Variants in GSPT1 observed in about 807,000 individuals in gnomAD.
GSPT1 encodes G1 to S phase transition 1, also known as eukaryotic peptide chain release factor GTP-binding subunit ERF3A.
A neutral mutation model predicts 72.5 loss-of-function variants in GSPT1; 20 were observed. The ratio of observed to expected loss-of-function variants is 0.28; its 90% confidence interval spans 0.19 to 0.40. The LOEUF (loss-of-function observed/expected upper bound fraction) is 0.40, where lower values mean the gene tolerates loss of function less well. Ranked by LOEUF, GSPT1 falls within the 10% of genes least tolerant of loss-of-function variation. The pLI is 1.00. For missense variants in GSPT1, 580 were observed against 811.9 expected (o/e 0.71, Z 3.47); for synonymous variants, 334 against 293.5 (o/e 1.14, Z -1.41).
At chr16:11,906,216 T>G (rs2054487530) in intron 1 of GSPT1, among the ~76,000 whole-genome samples, 1 of 152,138 alleles carries the variant, frequency 6.6e-6, no homozygotes, top group Non-Finnish European at 1.5e-5. Context: ...CACTTCCCTT[T>G]TCTGACCAGG....
intron 5 of GSPT1, 142 bp from the exon 6 acceptor site, chr16:11,891,281 A>AATAT (rs1319810221): frequency 3.8e-6 from 1 of 262,110 alleles, no homozygotes; most frequent in South Asian, 7.9e-5. Flanking sequence ...AAAAATATAA[A>AATAT]ATATATATAT....
Position 11,915,740 on chromosome 16 carries a change from G to C in GSPT1, c.-20C>G, listed in dbSNP as rs771571272. ...ATCCATGATCGGGGGGGCCGTGTGT[G>C]TGGTGGACAGAGAGCGGGAAATGGA... On this transcript the variant is annotated 5_prime_UTR_variant, in exon 1 of 15. Coordinates refer to ENST00000434724, the MANE Select transcript of GSPT1 (RefSeq NM_002094.4). 7.1e-6 allele frequency: 11 copies of C among 1,538,540 alleles called. No homozygotes were observed. The African/African-American group carries it at 1.2e-4, about 17-fold the overall frequency.
At chr16:11,898,702 G>A (rs1381658621) in intron 1 of GSPT1, among the ~76,000 whole-genome samples, 2 of 151,782 alleles carry the variant, frequency 1.3e-5, no homozygotes, top group African/African-American at 2.4e-5. Flanking sequence ...TGCCCACCTC[G>A]GCCTCCCAAA....
chr16:11,909,925 A>G (rs1015858337), intron 1 of GSPT1, among the ~76,000 whole-genome samples: 2 of 146,466 alleles, frequency 1.4e-5, no homozygotes, highest in African/African-American at 5.5e-5. Context: ...CTCCATCTCA[A>G]AAAACAAAAA....
intron 4 of GSPT1, 174 bp from the exon 5 acceptor site, chr16:11,895,161 T>G (rs2054318236): frequency 1.9e-6 from 1 of 528,644 alleles, no homozygotes; most frequent in East Asian, 3.3e-5. Flanking sequence ...CTGGGCTCGG[T>G]GGCTCACGCC....
At chr16:11,884,038 A>G (rs1482047502) in intron 10 of GSPT1, among the ~76,000 whole-genome samples, 1 of 152,250 alleles carries the variant, frequency 6.6e-6, no homozygotes, top group Non-Finnish European at 1.5e-5. Flanking sequence ...GGAAAAAGCA[A>G]TACTTGTTAA....
chr16:11,907,943 C>T (rs2150889440), intron 1 of GSPT1, among the ~76,000 whole-genome samples: 1 of 152,346 alleles, frequency 6.6e-6, no homozygotes, highest in East Asian at 1.9e-4. Context: ...AACCTAACTA[C>T]TTCAAAAACA....
chr16:11,906,231 CT>C (rs1387617301), intron 1 of GSPT1, among the ~76,000 whole-genome samples: 3 of 152,144 alleles, frequency 2.0e-5, no homozygotes, highest in Non-Finnish European at 4.4e-5. Context: ...ACCAGGACCC[CT>C]AGCCTCCATC....
In GSPT1 at chr16:11,872,997, T is replaced by C. The variant is rs2053995301; in HGVS notation, c.*122A>G. 1 of 627,334 alleles carries C rather than the reference T, an allele frequency of 1.6e-6. No individual in the cohort carries two copies. The highest frequency in any genetic ancestry group is 1.8e-5 in the African/African-American group (1 of 55,324). The allele number at this position is 627,334 out of a possible 1,614,324, so 38.9% of individuals were successfully genotyped here. A position where few individuals can be genotyped will look rare whatever the true frequency, so the allele number is the denominator to read the frequency against. ...CATAATGTGGACTTTTGCTGTGAATTTCCTCTTTGCAAAATATGGGGAGAG... is the reference window on the plus strand; with the variant it reads ...CATAATGTGGACTTTTGCTGTGAATCTCCTCTTTGCAAAATATGGGGAGAG... On this transcript the variant is annotated 3_prime_UTR_variant, in exon 15 of 15. Transcript: ENST00000434724.
At chr16:11,916,042 CT>C (rs1226930873), upstream of GSPT1, 11 of 627,974 alleles carry the variant, frequency 1.8e-5, no homozygotes, top group East Asian at 3.6e-4. Flanking sequence ...CCACCCGTAC[CT>C]TCGCCTCGGT....
chr16:11,889,329 CTTTTTTTTTTTTTTTTTTT>C (rs902991145), intron 6 of GSPT1, among the ~76,000 whole-genome samples: 1 of 60,040 alleles, frequency 1.7e-5, no homozygotes, highest in East Asian at 4.8e-4. Flanking sequence ...CCCTCTTCTT[CTTTTTTTTTTTTTTTTTTT>C]TTTTTTTTGG....
At chr16:11,915,250 C>A in intron 1 of GSPT1, 119 bp downstream of exon 1, 1 of 1,176,850 alleles carries the variant, frequency 8.5e-7, no homozygotes, top group Non-Finnish European at 1.1e-6. Flanking sequence ...GCAGACGGCG[C>A]CACTGTCAGC....
chr16:11,887,278 A>C (rs750901957), intron 7 of GSPT1, among the ~76,000 whole-genome samples: 12 of 152,286 alleles, frequency 7.9e-5, no homozygotes, highest in South Asian at 2.1e-4. Context: ...ATGGTTTCCT[A>C]TTCATTTTTT....
intron 6 of GSPT1, chr16:11,890,815 A>G (rs551597038): frequency 5.1e-5 from 14 of 275,356 alleles, no homozygotes; most frequent in African/African-American, 2.9e-4. Flanking sequence ...TCACCCAATT[A>G]AATGGATGGT....
rs1292776916 is a variant in GSPT1, at chr16:11,887,019, G to GA, written c.958-89dup. On this transcript the variant is annotated intron_variant, in intron 7 of 14. Transcript: ENST00000434724. ...ACATCTTTCCTTTCAGTTATATCACGAGTTTTTTTTTTTTTTTTTGCAAGA... is the reference window on the plus strand; with the variant it reads ...ACATCTTTCCTTTCAGTTATATCACGAAGTTTTTTTTTTTTTTTTTGCAAGA... 12 of 721,372 alleles carry GA rather than the reference G, an allele frequency of 1.7e-5. No individual in the cohort carries two copies. In the African/African-American group the frequency reaches 2.5e-4, roughly 15 times the overall value. 44.7% of individuals were successfully genotyped at this position (721,372 alleles called of 1,614,324 possible).
chr16:11,909,793 C>A (rs1488360392), intron 1 of GSPT1, among the ~76,000 whole-genome samples: 1 of 152,010 alleles, frequency 6.6e-6, no homozygotes. Context: ...GGCGTGGTGG[C>A]GGGCACCTGT....
intron 3 of GSPT1, among the ~76,000 whole-genome samples, chr16:11,897,402 T>C (rs992452429): frequency 1.3e-5 from 2 of 152,048 alleles, no homozygotes; most frequent in African/African-American, 4.8e-5. Flanking sequence ...CTGATCAACA[T>C]GGTGAAACCC....
intron 6 of GSPT1, among the ~76,000 whole-genome samples, chr16:11,890,567 G>A (rs539873313): frequency 6.6e-5 from 10 of 152,096 alleles, no homozygotes; most frequent in Non-Finnish European, 1.5e-4. Flanking sequence ...GGTAAGGCTT[G>A]CTAACTTTTT....
At position 11,877,874 on chromosome 16, in the gene GSPT1, AAC is replaced by A. The variant is rs553205920; in HGVS notation, c.1429-296_1429-295del. 7.2e-5 allele frequency among the ~76,000 whole-genome samples: 11 copies of A among 152,306 alleles called. No homozygotes were observed. The highest frequency in any genetic ancestry group is 3.9e-4 in the East Asian group (2 of 5,194). On this transcript the variant is annotated intron_variant, in intron 11 of 14. Transcript: ENST00000434724. The surrounding 1 kb of genome is among the most constrained non-coding windows in gnomAD (Gnocchi z 4.0). ...CTTTTTTTACCTTTTCAAAATCGAA[AAC>A]ACAATTTAATATTTGGATTTCAGTT... is the stretch of plus-strand genomic sequence containing the variant.
Sources: allele counts gnomAD v4.1 joint callset (sites outside exome capture counted in the v4.1 genomes callset), GRCh38; gene constraint gnomAD v4.1.1; non-coding constraint Gnocchi (gnomAD v3.1); transcripts MANE v1.5; gene names NCBI Gene and HGNC (gene_info 2026-07-23, HGNC 2026-07-21).